RSPH10B: variants seen among roughly 807,000 people sequenced by gnomAD.
RSPH10B encodes radial spoke head 10 homolog B (Chlamydomonas).
RSPH10B carries 7 observed loss-of-function variants against 52.5 expected under a neutral mutation model. That is an observed-to-expected ratio of 0.13 (90% CI 0.08 to 0.25). The LOEUF (loss-of-function observed/expected upper bound fraction) is 0.25. Ranked by LOEUF, RSPH10B falls within the 10% of genes least tolerant of loss-of-function variation. The pLI, the probability that RSPH10B is intolerant of heterozygous loss-of-function variation, is 1.00. For synonymous variants in RSPH10B, 28 were observed against 193.2 expected, an observed-to-expected ratio of 0.14 and a Z score of 7.09; for missense variants, 89 against 542.5, an observed-to-expected ratio of 0.16 and a Z score of 8.30.
chr7:5,942,895 AT>A (rs1780270280), intron 13 of RSPH10B, among the ~76,000 whole-genome samples: 1 of 132,110 alleles, frequency 7.6e-6, no homozygotes, highest in African/African-American at 2.8e-5. Flanking sequence ...ATATATATTT[AT>A]TATATATATA....
Position 5,943,554 on chromosome 7 carries a change from G to A in RSPH10B, c.1610-82C>T, listed in dbSNP as rs188025860. Reference sequence around the variant, plus strand: ...CAGTAAATATAATCCTATTGCTTTTGTTTTTTTCCCAGACAGAGTCTTGAT... The same window carrying A: ...CAGTAAATATAATCCTATTGCTTTTATTTTTTTCCCAGACAGAGTCTTGAT... On this transcript the variant is annotated intron_variant, in intron 12 of 18. Transcript: ENST00000337579. 6.6e-4 allele frequency: 1,033 copies of A among 1,561,098 alleles called. 11 individuals carry two copies. In the East Asian group the frequency reaches 0.022, roughly 33 times the overall value.
chr7:5,926,738 C>CATCT (rs1215805882), intron 18 of RSPH10B, among the ~76,000 whole-genome samples, 190 bp from the exon 21 acceptor site: 1 of 140,270 alleles, frequency 7.1e-6, no homozygotes, highest in Non-Finnish European at 1.6e-5. Context: ...ATAAACTTCT[C>CATCT]ATCTATCTAT....
At chr7:5,941,239 T>C (rs1780166796) in intron 13 of RSPH10B, among the ~76,000 whole-genome samples, 1 of 141,874 alleles carries the variant, frequency 7.0e-6, no homozygotes, top group African/African-American at 2.6e-5. Context: ...GAGGTTGAGG[T>C]TGCAGGAAGC....
At position 5,947,860 on chromosome 7, in the gene RSPH10B, TTGTGTG is replaced by T. The variant is rs201265529; in HGVS notation, c.1414+354_1414+359del. The stretch of plus-strand genomic sequence containing the variant: ...CCTGGGGGTTGGGGACCCCTGCCTT[TTGTGTG>T]TGTGTGTGTGTGTGTGTGTGTGTGT... On this transcript the variant is annotated intron_variant, in intron 10 of 18. Transcript: ENST00000337579. Among the ~76,000 whole-genome samples, 19 of 90,810 alleles carry T rather than the reference TTGTGTG, an allele frequency of 2.1e-4. 1 individual carries two copies. Among genetic ancestry groups the T allele is most frequent in the African/African-American group, 4.3e-4 (10 of 23,024 alleles). The allele number at this position is 90,810 out of a possible 152,430, so 59.6% of individuals were successfully genotyped here.
intron 18 of RSPH10B, among the ~76,000 whole-genome samples, chr7:5,927,404 G>A (rs1164456851): frequency 2.1e-3 from 160 of 74,670 alleles, no homozygotes; most frequent in African/African-American, 9.1e-3. Context: ...CTTTATGGAG[G>A]GTCCAATATG....
chr7:5,943,749 T>C (rs1780338940), intron 12 of RSPH10B, among the ~76,000 whole-genome samples, 162 bp downstream of exon 14: 1 of 151,146 alleles, frequency 6.6e-6, no homozygotes, highest in African/African-American at 2.4e-5. Flanking sequence ...TTTTGCCATG[T>C]TGGCCAGGCT....
chr7:5,931,291 C>G (rs6963809), intron 17 of RSPH10B, among the ~76,000 whole-genome samples: 11,289 of 148,190 alleles, frequency 0.076, 261 homozygotes, highest in East Asian at 0.32. Flanking sequence ...GGGAATGATC[C>G]ACTGGAGGAG....
At chr7:5,927,769 C>G (rs1779579570) in intron 18 of RSPH10B, among the ~76,000 whole-genome samples, 1 of 146,728 alleles carries the variant, frequency 6.8e-6, no homozygotes, top group African/African-American at 2.6e-5. Context: ...AACCTCGTCT[C>G]TACTAAAAAT....
intron 7 of RSPH10B, among the ~76,000 whole-genome samples, chr7:5,954,988 TAAAAAAAA>T (rs1185408288): frequency 4.1e-5 from 1 of 24,162 alleles, no homozygotes; most frequent in Non-Finnish European, 6.9e-5. Flanking sequence ...CTGTAACTAC[TAAAAAAAA>T]AAAAAAAAAA....
intron 7 of RSPH10B, among the ~76,000 whole-genome samples, chr7:5,953,956 G>T: frequency 2.6e-5 from 1 of 38,432 alleles, no homozygotes; most frequent in Admixed American, 3.2e-4. Flanking sequence ...CCATTCTCCT[G>T]CCTCAGCCTC....
chr7:5,929,242 C>G (rs2128621147), intron 17 of RSPH10B, among the ~76,000 whole-genome samples: 1 of 144,074 alleles, frequency 6.9e-6, no homozygotes, highest in East Asian at 2.4e-4. Flanking sequence ...TGCAGTGGTA[C>G]CATCATGGCT....
At chr7:5,932,183 G>A (rs2024005) in intron 17 of RSPH10B, among the ~76,000 whole-genome samples, 23,962 of 108,678 alleles carry the variant, frequency 0.22, 1,485 homozygotes, top group Non-Finnish European at 0.3. Flanking sequence ...TGAGGAATCA[G>A]ACCAGAGGGA....
In RSPH10B at chr7:5,945,064, T is replaced by C. The variant is rs1583230579; in HGVS notation, c.1529A>G (p.Gln510Arg). 2.2e-5 allele frequency: 13 copies of C among 584,942 alleles called. No individual in the cohort carries two copies. In the East Asian group the frequency reaches 3.6e-4, roughly 16 times the overall value. The allele number at this position is 584,942 out of a possible 1,614,324, so 36.2% of individuals were successfully genotyped here. ...ACAAGGGTCCAGAAATAGTACTTAC[T>C]GGAATTCTTCATGATAAATGTGGTA... Residue 510 changes from glutamine (Q) to arginine (R), a missense_variant and splice_region_variant, in exon 11 of 19, where the codon CAA (glutamine) becomes CGA (arginine). By Grantham distance (43) the Gln-to-Arg change is conservative. Coordinates refer to ENST00000337579, the Ensembl canonical transcript of RSPH10B.
chr7:5,942,904 A>G (rs931388552), intron 13 of RSPH10B, among the ~76,000 whole-genome samples: 1 of 119,298 alleles, frequency 8.4e-6, no homozygotes, highest in African/African-American at 3.1e-5. Context: ...TATTATATAT[A>G]TATTTATTTA....
chr7:5,927,070 A>ATTGTGTGTGTGTG (rs1554284566), intron 18 of RSPH10B, among the ~76,000 whole-genome samples: 3 of 110,732 alleles, frequency 2.7e-5, no homozygotes, highest in African/African-American at 9.7e-5. Flanking sequence ...GTGTGTGTAT[A>ATTGTGTGTGTGTG]TGTGTGTGTG....
chr7:5,950,350 C>T (rs1196224589), intron 9 of RSPH10B, among the ~76,000 whole-genome samples: 1 of 151,776 alleles, frequency 6.6e-6, no homozygotes, highest in African/African-American at 2.4e-5. Context: ...GTGGAAGGAT[C>T]ACCTGAGGTC....
At chr7:5,927,021 ACGTGTG>A (rs1779468084) in intron 18 of RSPH10B, among the ~76,000 whole-genome samples, 1 of 68,876 alleles carries the variant, frequency 1.5e-5, no homozygotes, top group Admixed American at 1.7e-4. Context: ...TCCCAAAGTT[ACGTGTG>A]TGTGTGTGTG....
intron 18 of RSPH10B, among the ~76,000 whole-genome samples, chr7:5,927,048 T>TATTATG (rs1347951159): frequency 1.4e-5 from 1 of 70,838 alleles, no homozygotes; most frequent in Non-Finnish European, 3.7e-5. Context: ...TGTGTGTGTA[T>TATTATG]TATGTGTGTG....
chr7:5,968,754 C>T (rs1250207375), upstream of RSPH10B, among the ~76,000 whole-genome samples: 24 of 62,454 alleles, frequency 3.8e-4, 2 homozygotes, highest in African/African-American at 8.0e-4. Flanking sequence ...GTGATCTGCC[C>T]GCCTTGGCCT....
Sources: gnomAD v4.1 joint callset for allele counts (sites outside exome capture counted in the v4.1 genomes callset) on GRCh38, gnomAD v4.1.1 for gene constraint, MANE v1.5 for transcripts, NCBI Gene and HGNC (gene_info 2026-07-23, HGNC 2026-07-21) for gene names.